Variants in THSD7B observed in about 807,000 individuals in gnomAD.
The protein encoded by THSD7B is thrombospondin type 1 domain containing 7B, also known as thrombospondin type-1 domain-containing protein 7B.
Under a neutral mutation model 213.6 loss-of-function variants are expected in THSD7B, and 138 were observed. The observed-to-expected ratio is 0.65, with a 90% CI of 0.56 to 0.74. The LOEUF is 0.74. Among genes scored for constraint, THSD7B ranks in the 30% least tolerant of loss-of-function variants. The pLI is 0.00. For missense variants in THSD7B, 1,931 were observed against 1,991.5 expected (o/e 0.97, Z 0.58); for synonymous variants, 742 against 687.0 (o/e 1.08, Z -1.25).
chr2:137,384,409 G>A (rs1685846287), intron 12 of THSD7B, among the ~76,000 whole-genome samples: 1 of 152,188 alleles, frequency 6.6e-6, no homozygotes, highest in African/African-American at 2.4e-5. Flanking sequence ...CACTTCAGGA[G>A]GGAGAGAGAT....
At chr2:137,672,847 T>C (rs1324417225) in intron 27 of THSD7B, among the ~76,000 whole-genome samples, 1 of 152,196 alleles carries the variant, frequency 6.6e-6, no homozygotes, top group Non-Finnish European at 1.5e-5. Flanking sequence ...CCATTAGTGT[T>C]TGGAGTTTCA....
intron 12 of THSD7B, among the ~76,000 whole-genome samples, chr2:137,338,165 T>C (rs1160512946): frequency 2.6e-5 from 4 of 152,130 alleles, no homozygotes; most frequent in Non-Finnish European, 5.9e-5. Context: ...GCAGCAGCTC[T>C]GAGGTTATTC....
chr2:136,837,528 C>T (rs929500515), intron 1 of THSD7B, among the ~76,000 whole-genome samples: 2 of 152,210 alleles, frequency 1.3e-5, no homozygotes, highest in African/African-American at 4.8e-5. Flanking sequence ...TCTAAAATAG[C>T]AACTCTGCCA....
intron 26 of THSD7B, 135 bp downstream of exon 26, chr2:137,663,710 G>A (rs1683395706): frequency 1.3e-6 from 1 of 785,390 alleles, no homozygotes; most frequent in African/African-American, 1.7e-5. Flanking sequence ...CATAATTCAG[G>A]GTTTCTCAGA....
At chr2:137,412,679 T>A (rs1406637895) in intron 14 of THSD7B, among the ~76,000 whole-genome samples, 1 of 148,432 alleles carries the variant, frequency 6.7e-6, no homozygotes, top group Non-Finnish European at 1.5e-5. Context: ...AATAAAACTA[T>A]AGGAAAAAAA....
chr2:136,816,033 A>T (rs994557626), intron 1 of THSD7B, among the ~76,000 whole-genome samples: 2 of 152,104 alleles, frequency 1.3e-5, no homozygotes, highest in South Asian at 4.1e-4. Flanking sequence ...CACATGTGTC[A>T]GTCACCAAGC....
At chr2:137,278,663 G>A (rs1379163995) in intron 12 of THSD7B, among the ~76,000 whole-genome samples, 1 of 152,142 alleles carries the variant, frequency 6.6e-6, no homozygotes, top group South Asian at 2.1e-4. Context: ...CACAGGCCTC[G>A]AGCTGTTCAC....
At chr2:137,574,295 C>G (rs753622129) in intron 17 of THSD7B, among the ~76,000 whole-genome samples, 1 of 151,818 alleles carries the variant, frequency 6.6e-6, no homozygotes, top group African/African-American at 2.4e-5. Flanking sequence ...GCTTCTTTTT[C>G]GAAACATAAT....
chr2:136,865,167 G>T (rs1445344483), intron 1 of THSD7B, among the ~76,000 whole-genome samples: 1 of 152,122 alleles, frequency 6.6e-6, no homozygotes, highest in Non-Finnish European at 1.5e-5. Context: ...CTAGAGAACT[G>T]CCCTTTGCCT....
At chr2:137,228,141 C>T (rs1447694354) in intron 7 of THSD7B, among the ~76,000 whole-genome samples, 1 of 59,592 alleles carries the variant, frequency 1.7e-5, no homozygotes, top group Non-Finnish European at 3.5e-5. Context: ...CCTCACTGTG[C>T]AGCTGTTTTT....
chr2:136,886,608 G>A (rs569821003), intron 2 of THSD7B, among the ~76,000 whole-genome samples: 5 of 152,264 alleles, frequency 3.3e-5, no homozygotes, highest in South Asian at 2.1e-4. Flanking sequence ...ATTCTAAAAT[G>A]CACAGAGCAG....
chr2:136,810,449 G>C (rs1441799405), intron 1 of THSD7B, among the ~76,000 whole-genome samples: 1 of 152,172 alleles, frequency 6.6e-6, no homozygotes, highest in East Asian at 1.9e-4. Context: ...AACTGCATCT[G>C]GTAGTTCATC....
chr2:137,218,870 G>C (rs557292390), intron 7 of THSD7B, among the ~76,000 whole-genome samples: 8 of 151,762 alleles, frequency 5.3e-5, no homozygotes, highest in Admixed American at 2.6e-4. Context: ...ACGGCTCTCT[G>C]TTTTCTGTTT....
At chr2:137,252,281 A>C (rs1185918235) in intron 10 of THSD7B, among the ~76,000 whole-genome samples, 3 of 144,394 alleles carry the variant, frequency 2.1e-5, no homozygotes, top group African/African-American at 8.6e-5. Flanking sequence ...AAAAAAAAAA[A>C]AAAAAAAAAC....
intron 12 of THSD7B, among the ~76,000 whole-genome samples, chr2:137,280,030 A>G (rs957381553): frequency 6.6e-6 from 1 of 152,112 alleles, no homozygotes; most frequent in Non-Finnish European, 1.5e-5. Flanking sequence ...ATCCAATGCT[A>G]TGTTTTAGAA....
At chr2:136,845,485 T>C (rs947391183) in intron 1 of THSD7B, among the ~76,000 whole-genome samples, 1 of 152,208 alleles carries the variant, frequency 6.6e-6, no homozygotes, top group Non-Finnish European at 1.5e-5. Flanking sequence ...AGATTTTAAA[T>C]AAGCTTTCTA....
chr2:137,170,158 C>CT (rs1412808865), intron 6 of THSD7B, among the ~76,000 whole-genome samples: 2 of 152,010 alleles, frequency 1.3e-5, no homozygotes, highest in Admixed American at 6.6e-5. Context: ...CCACAGTACA[C>CT]TTTTTTTAAA....
At chr2:137,186,350 T>G (rs1230076552) in intron 7 of THSD7B, among the ~76,000 whole-genome samples, 1 of 152,160 alleles carries the variant, frequency 6.6e-6, no homozygotes, top group African/African-American at 2.4e-5. Flanking sequence ...CTTCTAAGAA[T>G]TTTGTAGTTT....
intron 17 of THSD7B, among the ~76,000 whole-genome samples, chr2:137,605,782 C>A (rs1682164375): frequency 6.6e-6 from 1 of 150,430 alleles, no homozygotes; most frequent in African/African-American, 2.4e-5. Context: ...GTTTCTCCTG[C>A]CTCAGCCTCC....
Sources: allele counts gnomAD v4.1 joint callset (sites outside exome capture counted in the v4.1 genomes callset), GRCh38; gene constraint gnomAD v4.1.1; transcripts MANE v1.5; gene names NCBI Gene and HGNC (gene_info 2026-07-23, HGNC 2026-07-21).